RABGAP1L: variants seen among roughly 807,000 people sequenced by gnomAD.
RABGAP1L encodes rab GTPase-activating protein 1-like.
RABGAP1L carries 63 observed loss-of-function variants against 137.7 expected under a neutral mutation model. The observed-to-expected ratio is 0.46, with a 90% CI of 0.37 to 0.56. The LOEUF (loss-of-function observed/expected upper bound fraction) is 0.56, where lower values mean the gene tolerates loss of function less well. Among genes scored for constraint, RABGAP1L ranks in the 20% least tolerant of loss-of-function variants. The pLI is 0.00. For missense variants in RABGAP1L, 1,095 were observed against 1,244.0 expected (o/e 0.88, Z 1.80); for synonymous variants, 431 against 433.7 (o/e 0.99, Z 0.08).
intron 10 of RABGAP1L, among the ~76,000 whole-genome samples, chr1:174,286,215 A>C (rs1676036529): frequency 1.3e-5 from 2 of 152,052 alleles, no homozygotes; most frequent in Non-Finnish European, 2.9e-5. Flanking sequence ...CTTTGCTGGG[A>C]GACTTTTTAT....
chr1:174,874,810 C>G (rs1192867996), intron 19 of RABGAP1L, among the ~76,000 whole-genome samples: 1 of 152,018 alleles, frequency 6.6e-6, no homozygotes, highest in Non-Finnish European at 1.5e-5. Context: ...CTCTAATCAT[C>G]AGTTTTCAAA....
At chr1:174,858,004 A>G (rs1649602756) in intron 19 of RABGAP1L, among the ~76,000 whole-genome samples, 1 of 152,030 alleles carries the variant, frequency 6.6e-6, no homozygotes, top group African/African-American at 2.4e-5. Flanking sequence ...ATTTTATTTT[A>G]TTGTTTTATT....
intron 13 of RABGAP1L, among the ~76,000 whole-genome samples, chr1:174,598,650 T>C (rs1670170736): frequency 6.6e-6 from 1 of 152,216 alleles, no homozygotes; most frequent in Non-Finnish European, 1.5e-5. Context: ...TTTATCATTA[T>C]ATAATGACCT....
intron 12 of RABGAP1L, among the ~76,000 whole-genome samples, chr1:174,375,942 C>T (rs1220660155): frequency 6.6e-6 from 1 of 151,958 alleles, no homozygotes; most frequent in Non-Finnish European, 1.5e-5. Flanking sequence ...GTGGTGTGCA[C>T]CTGTAATCTC....
chr1:174,703,462 C>CTA (rs1053467390), intron 17 of RABGAP1L, among the ~76,000 whole-genome samples: 1 of 152,106 alleles, frequency 6.6e-6, no homozygotes, highest in African/African-American at 2.4e-5. Context: ...ATGTACATAC[C>CTA]ACATTTTCTT....
intron 11 of RABGAP1L, among the ~76,000 whole-genome samples, chr1:174,351,070 GGGGGA>G (rs1205416292): frequency 4.4e-5 from 3 of 68,720 alleles, no homozygotes; most frequent in African/African-American, 9.3e-5. Context: ...GGAGACCGTG[GGGGGA>G]GGGGGAGGGG....
chr1:174,681,390 CACA>C (rs1442732759), intron 14 of RABGAP1L, among the ~76,000 whole-genome samples: 2 of 152,144 alleles, frequency 1.3e-5, no homozygotes, highest in Non-Finnish European at 2.9e-5. Flanking sequence ...TACCGATGCA[CACA>C]ACAACATGAA....
chr1:174,620,477 C>A (rs941105366), intron 13 of RABGAP1L, among the ~76,000 whole-genome samples: 20 of 152,184 alleles, frequency 1.3e-4, no homozygotes, highest in East Asian at 1.9e-4. Flanking sequence ...AGGATTAAGA[C>A]ACTCACTCAA....
intron 7 of RABGAP1L, among the ~76,000 whole-genome samples, chr1:174,257,676 A>G (rs1673242157): frequency 6.6e-6 from 1 of 152,154 alleles, no homozygotes; most frequent in African/African-American, 2.4e-5. Context: ...GTTGAGAGAA[A>G]ATGCCTTTTG....
chr1:174,686,648 C>CTTTTTTTTTTTTTTTTTTTTTTTTTT (rs533716511), intron 15 of RABGAP1L, among the ~76,000 whole-genome samples: 2 of 105,770 alleles, frequency 1.9e-5, no homozygotes, highest in Admixed American at 1.1e-4. Context: ...ACAAAGCAAT[C>CTTTTTTTTTTTTTTTTTTTTTTTTTT]TTTTTTTTTT....
chr1:174,430,750 A>G (rs1164186074), intron 13 of RABGAP1L, among the ~76,000 whole-genome samples: 1 of 152,220 alleles, frequency 6.6e-6, no homozygotes, highest in African/African-American at 2.4e-5. Flanking sequence ...ACATTGTTGA[A>G]TATGTGTAGA....
chr1:174,650,950 C>CAAA (rs997050495), intron 14 of RABGAP1L, among the ~76,000 whole-genome samples: 1 of 145,596 alleles, frequency 6.9e-6, no homozygotes, highest in African/African-American at 2.6e-5. Flanking sequence ...TGGATCTTTC[C>CAAA]TGCTTTCTCT....
At chr1:174,422,740 G>A (rs998200011) in intron 13 of RABGAP1L, among the ~76,000 whole-genome samples, 4 of 151,916 alleles carry the variant, frequency 2.6e-5, no homozygotes, top group Non-Finnish European at 4.4e-5. Flanking sequence ...CTGAGGTCTG[G>A]AGTTTGAGAC....
intron 7 of RABGAP1L, among the ~76,000 whole-genome samples, chr1:174,260,419 T>C (rs1295977461): frequency 6.6e-6 from 1 of 152,220 alleles, no homozygotes; most frequent in Non-Finnish European, 1.5e-5. Flanking sequence ...TTTCAAACCC[T>C]CAGTGCCTTG....
chr1:174,633,539 A>G (rs945680342), intron 13 of RABGAP1L, among the ~76,000 whole-genome samples: 2 of 149,154 alleles, frequency 1.3e-5, no homozygotes, highest in Non-Finnish European at 3.0e-5. Context: ...ACTACTTTAA[A>G]GTTCATATGG....
rs1671015842 is a variant in RABGAP1L at position 174,609,389 on chromosome 1, A to C, written c.1711-27986A>C. The stretch of plus-strand genomic sequence containing the variant: ...ACTTTAAAATTGTTCTCTTAGCTGC[A>C]TGAGAGTCAATTAGGAAAAAGTTAC... On this transcript the variant is annotated intron_variant, in intron 13 of 25. Coordinates refer to ENST00000681986, the MANE Select transcript of RABGAP1L (RefSeq NM_001366446.1). Among the ~76,000 whole-genome samples the C allele has an allele frequency of 4.6e-5, 7 of 152,186 alleles. No individual in the cohort carries two copies. In the South Asian group the frequency reaches 1.4e-3, roughly 31 times the overall value.
At chr1:174,227,382 T>A (rs931922544) in intron 3 of RABGAP1L, among the ~76,000 whole-genome samples, 1 of 150,986 alleles carries the variant, frequency 6.6e-6, no homozygotes, top group Non-Finnish European at 1.5e-5. Context: ...TTTTTTTTTT[T>A]AGTAGAGATG....
chr1:174,721,417 T>G (rs1681530331), intron 17 of RABGAP1L, among the ~76,000 whole-genome samples: 1 of 152,236 alleles, frequency 6.6e-6, no homozygotes, highest in South Asian at 2.1e-4. Context: ...TGCTTTGTTT[T>G]TAGTGTTTAT....
At chr1:174,250,753 G>T in intron 6 of RABGAP1L, 121 bp downstream of exon 6, 1 of 838,692 alleles carries the variant, frequency 1.2e-6, no homozygotes. Flanking sequence ...ATATTTGGCT[G>T]GTGAATTAAT....
Sources: gnomAD v4.1 joint callset for allele counts (sites outside exome capture counted in the v4.1 genomes callset) on GRCh38, gnomAD v4.1.1 for gene constraint, MANE v1.5 for transcripts, NCBI Gene and HGNC (gene_info 2026-07-23, HGNC 2026-07-21) for gene names.